The following NAV3 variants were observed in gnomAD, a reference collection of about 807,000 sequenced individuals.
NAV3 encodes pore membrane and/or filament interacting like protein 1.
In NAV3, 87 loss-of-function variants were observed where a neutral mutation model predicts 244.7. The ratio of observed to expected loss-of-function variants is 0.36; its 90% CI spans 0.30 to 0.42. The LOEUF is 0.42. Among genes scored for constraint, NAV3 ranks in the 20% least tolerant of loss-of-function variants. The pLI, the probability that NAV3 is intolerant of heterozygous loss-of-function variation, is 1.00. For missense variants in NAV3, 2,663 were observed against 2,893.3 expected (o/e 0.92, Z 1.83); for synonymous variants, 1,126 against 1,042.2 (o/e 1.08, Z -1.55).
chr12:77,746,910 G>C (rs1397602541), intron 2 of NAV3, among the ~76,000 whole-genome samples: 1 of 152,062 alleles, frequency 6.6e-6, no homozygotes, highest in Non-Finnish European at 1.5e-5. Flanking sequence ...AGTCTCAATA[G>C]TTATTAAAAT....
rs142161365 is a variant in NAV3 at position 78,119,874 on chromosome 12, C to T, written c.3678C>T (p.Ser1226=). 9.9e-6 allele frequency: 16 copies of T among 1,614,158 alleles called. No homozygotes were observed. The highest frequency in any genetic ancestry group is 9.3e-5 in the African/African-American group (7 of 75,030). The change falls in exon 15 of 40, where the codon AGC becomes AGT. Residue 1226 remains serine, a synonymous_variant. Transcript: ENST00000397909. ...GSPKSSPTSA[S]ACGAQGLRQP... ...CCAAATCCAGCCCCACCTCTGCCAG[C>T]GCCTGTGGTGCACAAGGTCTCAGGC... is the stretch of plus-strand genomic sequence containing the variant.
At chr12:77,975,022 T>TAA (rs5799367) in intron 5 of NAV3, among the ~76,000 whole-genome samples, 149,346 of 152,284 alleles carry the variant, frequency 0.98, 73,303 homozygotes, top group Middle Eastern at 1. Flanking sequence ...CCCATTCCAC[T>TAA]GTTTAATTAA....
At position 78,168,740 on chromosome 12, in the gene NAV3, CTG is replaced by C. The variant is rs1300886584; in HGVS notation, c.4870-13_4870-12del. 6.4e-7 allele frequency: 1 copy of C among 1,556,676 alleles called. No individual in the cohort carries two copies. ...TTTCGGGTACTAAAGCTTCCAAACT[CTG>C]TTTATTCCACAGGAATCTGAACTTA... On this transcript the variant is annotated splice_polypyrimidine_tract_variant and intron_variant, in intron 23 of 39. Coordinates refer to ENST00000397909, the MANE Select transcript of NAV3 (RefSeq NM_001024383.2).
chr12:77,742,129 C>T (rs1348655383), intron 2 of NAV3, among the ~76,000 whole-genome samples: 3 of 151,936 alleles, frequency 2.0e-5, no homozygotes, highest in Non-Finnish European at 4.4e-5. Context: ...GATTAGTGAT[C>T]CATTTTTCAT....
intron 1 of NAV3, among the ~76,000 whole-genome samples, chr12:77,865,170 AATAG>A (rs1472055839): frequency 6.6e-6 from 1 of 152,122 alleles, no homozygotes; most frequent in Non-Finnish European, 1.5e-5. Context: ...CATCTGTAAA[AATAG>A]ATAGTTTTAC....
chr12:77,861,119 G>A (rs1879196017), intron 1 of NAV3, among the ~76,000 whole-genome samples: 1 of 151,804 alleles, frequency 6.6e-6, no homozygotes. Context: ...TGTCTCCTAT[G>A]TAGTAGAGAA....
At chr12:78,038,996 G>A (rs570646442) in intron 9 of NAV3, among the ~76,000 whole-genome samples, 2 of 152,036 alleles carry the variant, frequency 1.3e-5, no homozygotes, top group Admixed American at 6.5e-5. Flanking sequence ...AAAGAAGCCG[G>A]TATGCCTTGG....
intron 38 of NAV3, among the ~76,000 whole-genome samples, chr12:78,201,830 G>C (rs146633733): frequency 6.6e-6 from 1 of 151,928 alleles, no homozygotes; most frequent in Non-Finnish European, 1.5e-5. Flanking sequence ...ACAATAGTGT[G>C]TTGTCTTTAT....
At chr12:77,930,245 C>G (rs1395483797) in intron 1 of NAV3, among the ~76,000 whole-genome samples, 1 of 152,072 alleles carries the variant, frequency 6.6e-6, no homozygotes, top group Non-Finnish European at 1.5e-5. Context: ...CCCCAATATA[C>G]TTACACTATA....
rs985847030 is a variant in NAV3, at chr12:78,184,149, T to G, written c.5693-1452T>G. Among the ~76,000 whole-genome samples, 3 of 151,852 alleles carry G rather than the reference T, an allele frequency of 2.0e-5. No individual in the cohort carries two copies. The Admixed American group carries it at 2.0e-4, about 10-fold the overall frequency. ...GCTTAAACTATTCTGAAATACATAC[T>G]CCAAAAAAACAAGGAATTCACTTTC... On this transcript the variant is annotated intron_variant, in intron 30 of 39. Transcript: ENST00000397909.
At chr12:77,814,247 A>G (rs1872434017) in intron 2 of NAV3, among the ~76,000 whole-genome samples, 1 of 147,392 alleles carries the variant, frequency 6.8e-6, no homozygotes, top group African/African-American at 2.5e-5. Context: ...GTATGTGGAG[A>G]AAAAAAAAAA....
chr12:77,944,191 A>T (rs1015600889), intron 3 of NAV3, among the ~76,000 whole-genome samples: 7 of 152,210 alleles, frequency 4.6e-5, no homozygotes, highest in Admixed American at 1.3e-4. Context: ...TTTGAAGGGA[A>T]CAAGGAAGCC....
chr12:77,994,985 G>A, intron 6 of NAV3, 114 bp downstream of exon 6: 1 of 673,070 alleles, frequency 1.5e-6, no homozygotes, highest in Non-Finnish European at 2.4e-6. Context: ...GAAGTTTAGA[G>A]CACTAAATTT....
At chr12:77,829,352 C>T (rs1341889216), upstream of NAV3, among the ~76,000 whole-genome samples, 1 of 152,052 alleles carries the variant, frequency 6.6e-6, no homozygotes, top group Non-Finnish European at 1.5e-5. Flanking sequence ...TTCTGAGGTG[C>T]CAATATTATT....
In NAV3 at chr12:77,971,676, G is replaced by A. The variant is rs140670593; in HGVS notation, c.671+2974G>A. ...AAATTTATCTTCATTTGCTGGAGGT[G>A]TGAGTCATAAATCATGATTTATGAT... On this transcript the variant is annotated intron_variant, in intron 5 of 39. Coordinates refer to ENST00000397909, the MANE Select transcript of NAV3 (RefSeq NM_001024383.2). 1.4e-3 allele frequency among the ~76,000 whole-genome samples: 213 copies of A among 152,188 alleles called. 1 individual carries two copies. The highest frequency in any genetic ancestry group is 4.6e-3 in the African/African-American group (193 of 41,554).
chr12:77,723,796 A>G (rs1876752641), intron 2 of NAV3, among the ~76,000 whole-genome samples: 2 of 105,508 alleles, frequency 1.9e-5, no homozygotes, highest in South Asian at 6.4e-4. Flanking sequence ...TCTCTATTAT[A>G]ATAGGTCCCA....
intron 2 of NAV3, among the ~76,000 whole-genome samples, chr12:77,706,092 T>C (rs2137225518): frequency 6.6e-6 from 1 of 151,390 alleles, no homozygotes; most frequent in Non-Finnish European, 1.5e-5. Flanking sequence ...TTAAACAAAC[T>C]CTAACTTTTA....
At chr12:78,162,919 A>AAT (rs1390782122) in intron 23 of NAV3, among the ~76,000 whole-genome samples, 35 of 130,470 alleles carry the variant, frequency 2.7e-4, no homozygotes, top group South Asian at 1.2e-3. Context: ...TATATTATAT[A>AAT]ATATATATAT....
At chr12:77,930,549 C>T (rs1888684021) in intron 1 of NAV3, among the ~76,000 whole-genome samples, 1 of 151,930 alleles carries the variant, frequency 6.6e-6, no homozygotes, top group South Asian at 2.1e-4. Context: ...CTAGTGTTAA[C>T]AATTCTAGAA....
Sources: gnomAD v4.1 joint callset for allele counts (sites outside exome capture counted in the v4.1 genomes callset) on GRCh38, gnomAD v4.1.1 for gene constraint, MANE v1.5 for transcripts, NCBI Gene and HGNC (gene_info 2026-07-23, HGNC 2026-07-21) for gene names.